Variants in CHRM3 observed in about 807,000 individuals in gnomAD.
CHRM3 encodes cholinergic receptor muscarinic 3, also known as muscarinic acetylcholine receptor M3.
A neutral mutation model predicts 41.8 loss-of-function variants in CHRM3; 11 were observed. The observed-to-expected ratio is 0.26, with a 90% CI of 0.17 to 0.44. CHRM3 has a LOEUF of 0.44. Ranked by LOEUF, CHRM3 falls within the 20% of genes least tolerant of loss-of-function variation. The pLI is 1.00. For synonymous variants in CHRM3, 297 were observed against 301.4 expected, an observed-to-expected ratio of 0.99 and a Z score of 0.15; for missense variants, 571 against 745.4, an observed-to-expected ratio of 0.77 and a Z score of 2.72.
intron 1 of CHRM3, among the ~76,000 whole-genome samples, chr1:239,423,258 T>C (rs962195359): frequency 6.6e-6 from 1 of 152,244 alleles, no homozygotes; most frequent in African/African-American, 2.4e-5. Flanking sequence ...AGGTGTGCAA[T>C]GATGATCCTC....
chr1:239,480,580 G>A (rs959808768), intron 1 of CHRM3, among the ~76,000 whole-genome samples: 6 of 132,036 alleles, frequency 4.5e-5, no homozygotes, highest in East Asian at 4.3e-4. Flanking sequence ...TTGTTGAGAC[G>A]GAGTCTAGCT....
intron 6 of CHRM3, among the ~76,000 whole-genome samples, chr1:239,860,640 T>C (rs963170062): frequency 6.6e-6 from 1 of 152,184 alleles, no homozygotes; most frequent in Non-Finnish European, 1.5e-5. Flanking sequence ...TTTCATGCAG[T>C]GTTTTAAATA....
chr1:239,677,051 T>A (rs1206011074), intron 4 of CHRM3, among the ~76,000 whole-genome samples: 1 of 152,134 alleles, frequency 6.6e-6, no homozygotes, highest in Non-Finnish European at 1.5e-5. Flanking sequence ...CATTTCCTTT[T>A]GTCTGCCCAT....
chr1:239,487,483 A>T (rs1181194921), intron 1 of CHRM3, among the ~76,000 whole-genome samples: 1 of 152,190 alleles, frequency 6.6e-6, no homozygotes, highest in Non-Finnish European at 1.5e-5. Context: ...AGCAACAAAA[A>T]GTATACAATA....
At chr1:239,538,099 G>T (rs1658387463) in intron 2 of CHRM3, among the ~76,000 whole-genome samples, 1 of 152,174 alleles carries the variant, frequency 6.6e-6, no homozygotes, top group Non-Finnish European at 1.5e-5. Flanking sequence ...AGGAAGAGGG[G>T]AAGTAGCAGA....
chr1:239,765,245 T>C (rs1336936087), intron 5 of CHRM3, among the ~76,000 whole-genome samples: 1 of 152,154 alleles, frequency 6.6e-6, no homozygotes, highest in Non-Finnish European at 1.5e-5. Flanking sequence ...TTTGCAGATC[T>C]CTTCGTTCAG....
chr1:239,866,091 G>T (rs1248785221), intron 6 of CHRM3, among the ~76,000 whole-genome samples: 1 of 152,102 alleles, frequency 6.6e-6, no homozygotes, highest in Non-Finnish European at 1.5e-5. Context: ...TAAAAAGCTT[G>T]CCCAGGCCGG....
At chr1:239,726,408 GT>G (rs1206173366) in intron 5 of CHRM3, among the ~76,000 whole-genome samples, 3 of 151,664 alleles carry the variant, frequency 2.0e-5, no homozygotes, top group Non-Finnish European at 2.9e-5. Flanking sequence ...TGATCATTTA[GT>G]TTTTTTTCCG....
chr1:239,866,573 A>G (rs1676127166), intron 6 of CHRM3, among the ~76,000 whole-genome samples: 1 of 152,214 alleles, frequency 6.6e-6, no homozygotes, highest in African/African-American at 2.4e-5. Context: ...TCAAGGATTC[A>G]GAAGAAAGAA....
At chr1:239,591,958 A>T (rs1231806245) in intron 3 of CHRM3, among the ~76,000 whole-genome samples, 3 of 152,180 alleles carry the variant, frequency 2.0e-5, no homozygotes, top group Admixed American at 6.5e-5. Context: ...AGAGGCCTTG[A>T]TTGGCAGGGC....
At chr1:239,475,406 C>T (rs557641051) in intron 1 of CHRM3, among the ~76,000 whole-genome samples, 32 of 152,154 alleles carry the variant, frequency 2.1e-4, no homozygotes, top group African/African-American at 7.7e-4. Flanking sequence ...TAACCCCAGT[C>T]TAATAATCAG....
intron 3 of CHRM3, among the ~76,000 whole-genome samples, chr1:239,584,381 GGT>G (rs1303921156): frequency 6.6e-6 from 1 of 152,116 alleles, no homozygotes; most frequent in Non-Finnish European, 1.5e-5. Flanking sequence ...TGGGATTACA[GGT>G]GTGAGTCACT....
At chr1:239,777,296 G>A (rs985711407) in intron 5 of CHRM3, among the ~76,000 whole-genome samples, 1 of 152,182 alleles carries the variant, frequency 6.6e-6, no homozygotes, top group Non-Finnish European at 1.5e-5. Context: ...AAACACTGCT[G>A]TAGGTTAGTT....
chr1:239,438,130 C>G (rs1461918024), intron 1 of CHRM3, among the ~76,000 whole-genome samples: 1 of 152,182 alleles, frequency 6.6e-6, no homozygotes, highest in African/African-American at 2.4e-5. Flanking sequence ...TATAATGAAA[C>G]ATGCTAATAT....
intron 2 of CHRM3, among the ~76,000 whole-genome samples, chr1:239,509,815 T>G (rs1201428921): frequency 6.6e-6 from 1 of 152,158 alleles, no homozygotes; most frequent in African/African-American, 2.4e-5. Flanking sequence ...GGGCCAGGTG[T>G]GTTGGCTCAC....
chr1:239,721,407 G>A (rs1326261903), intron 5 of CHRM3, among the ~76,000 whole-genome samples: 1 of 151,772 alleles, frequency 6.6e-6, no homozygotes, highest in African/African-American at 2.4e-5. Flanking sequence ...AAAATGATAG[G>A]CATGGTATTA....
At chr1:239,888,348 C>G (rs1331386892) in intron 6 of CHRM3, among the ~76,000 whole-genome samples, 1 of 150,692 alleles carries the variant, frequency 6.6e-6, no homozygotes, top group African/African-American at 2.4e-5. Flanking sequence ...ACACTCCAGC[C>G]TGAGCGAGAG....
chr1:239,753,480 G>C (rs1665996392), intron 5 of CHRM3, among the ~76,000 whole-genome samples: 1 of 152,170 alleles, frequency 6.6e-6, no homozygotes, highest in South Asian at 2.1e-4. Flanking sequence ...GCATGAGAAA[G>C]AGAGAGTGAT....
chr1:239,506,030 G>C (rs1315502188), intron 2 of CHRM3, among the ~76,000 whole-genome samples: 1 of 152,156 alleles, frequency 6.6e-6, no homozygotes, highest in Non-Finnish European at 1.5e-5. Context: ...TTTCTAAGCA[G>C]CAAAGAATTC....
Sources: gnomAD v4.1 joint callset for allele counts (sites outside exome capture counted in the v4.1 genomes callset) on GRCh38, gnomAD v4.1.1 for gene constraint, MANE v1.5 for transcripts, NCBI Gene and HGNC (gene_info 2026-07-23, HGNC 2026-07-21) for gene names.